RHBDD1: variants seen among roughly 807,000 people sequenced by gnomAD.
The protein encoded by RHBDD1 is rhomboid domain containing 1.
Under a neutral mutation model 36.3 loss-of-function variants are expected in RHBDD1, and 38 were observed. The observed-to-expected ratio is 1.05, with a 90% CI of 0.81 to 1.37. RHBDD1 has a LOEUF of 1.37. Ranked by LOEUF, RHBDD1 falls within the 40% of genes most tolerant of loss-of-function variation. RHBDD1 has a pLI of 0.00. For synonymous variants in RHBDD1, 151 were observed against 136.5 expected (o/e 1.11, Z -0.74); for missense variants, 393 against 377.6 (o/e 1.04, Z -0.34).
intron 8 of RHBDD1, among the ~76,000 whole-genome samples, chr2:226,949,319 C>T (rs528766802): frequency 2.6e-5 from 4 of 152,270 alleles, no homozygotes; most frequent in Admixed American, 6.5e-5. Context: ...CCAAGACAAT[C>T]CTAAGCAAAA....
intron 5 of RHBDD1, among the ~76,000 whole-genome samples, chr2:226,904,554 T>A (rs934757039): frequency 6.6e-6 from 1 of 152,198 alleles, no homozygotes; most frequent in Non-Finnish European, 1.5e-5. Flanking sequence ...GCCATGACTT[T>A]TAGCACGTGT....
rs561822979 is a variant in RHBDD1 at position 226,996,989 on chromosome 2, T to C, written c.*1467T>C. Reference sequence around the variant, plus strand: ...TTAACATTTTGGTGGTATTGTCTTATCAATTTTTCCGTTGATACATTCAGC... The same window carrying C: ...TTAACATTTTGGTGGTATTGTCTTACCAATTTTTCCGTTGATACATTCAGC... On this transcript the variant is annotated 3_prime_UTR_variant, in exon 9 of 9. Coordinates refer to ENST00000392062, the MANE Select transcript of RHBDD1 (RefSeq NM_001167608.3). 1 of 152,312 alleles carries C rather than the reference T, an allele frequency of 6.6e-6. No homozygotes were observed. Among genetic ancestry groups the C allele is most frequent in the East Asian group, 1.9e-4 (1 of 5,188 alleles). 9.4% of individuals were successfully genotyped at this position (152,312 alleles called of 1,614,324 possible).
At chr2:226,955,998 G>T (rs1951763871) in intron 8 of RHBDD1, among the ~76,000 whole-genome samples, 1 of 152,158 alleles carries the variant, frequency 6.6e-6, no homozygotes, top group African/African-American at 2.4e-5. Flanking sequence ...GCTTTACTTG[G>T]ATTCATATAT....
chr2:226,909,818 T>C (rs183745156), intron 7 of RHBDD1, among the ~76,000 whole-genome samples: 2 of 152,346 alleles, frequency 1.3e-5, no homozygotes. Context: ...AGCCAGTCTA[T>C]GGCTGTTTGT....
chr2:226,962,224 C>T (rs1474298441), intron 8 of RHBDD1, among the ~76,000 whole-genome samples: 2 of 152,190 alleles, frequency 1.3e-5, no homozygotes, highest in Non-Finnish European at 2.9e-5. Flanking sequence ...GAAAAAATAG[C>T]AAATTCATTA....
intron 6 of RHBDD1, chr2:226,908,422 G>C: frequency 5.5e-6 from 1 of 180,268 alleles, no homozygotes; most frequent in Admixed American, 5.5e-5. Flanking sequence ...CCCCTAGGAA[G>C]GGTAGGGAGG....
chr2:226,967,648 A>G (rs1031452114), intron 8 of RHBDD1, among the ~76,000 whole-genome samples: 5 of 151,426 alleles, frequency 3.3e-5, no homozygotes, highest in African/African-American at 7.3e-5. Flanking sequence ...TGTAGAAGTC[A>G]TTGTTGTAGT....
chr2:226,923,776 G>A (rs554222503), intron 8 of RHBDD1, among the ~76,000 whole-genome samples: 2 of 151,788 alleles, frequency 1.3e-5, no homozygotes, highest in Non-Finnish European at 2.9e-5. Flanking sequence ...CTTCTGCTTG[G>A]TCAATTGTGA....
intron 8 of RHBDD1, among the ~76,000 whole-genome samples, chr2:226,974,211 T>C (rs1304587833): frequency 7.0e-6 from 1 of 143,398 alleles, no homozygotes; most frequent in Non-Finnish European, 1.5e-5. Flanking sequence ...GAGTGTTGTA[T>C]GGGTGTTGCC....
intron 5 of RHBDD1, among the ~76,000 whole-genome samples, chr2:226,872,608 CA>C (rs1389118047): frequency 6.6e-6 from 1 of 152,108 alleles, no homozygotes; most frequent in East Asian, 1.9e-4. Flanking sequence ...GTGAAGTGAT[CA>C]ATATCAAATG....
intron 8 of RHBDD1, among the ~76,000 whole-genome samples, chr2:226,985,036 C>T (rs1956637119): frequency 6.6e-6 from 1 of 152,024 alleles, no homozygotes; most frequent in Non-Finnish European, 1.5e-5. Context: ...CCTGATTAGG[C>T]CTAACATAGA....
intron 8 of RHBDD1, among the ~76,000 whole-genome samples, chr2:226,922,575 A>G (rs1949402693): frequency 6.6e-6 from 1 of 152,038 alleles, no homozygotes; most frequent in African/African-American, 2.4e-5. Flanking sequence ...TGGACCTTAT[A>G]TTCATTCTAT....
the RHBDD1 span, among the ~76,000 whole-genome samples, chr2:226,825,836 TCTC>T: frequency 3.9e-5 from 6 of 152,212 alleles, no homozygotes; most frequent in South Asian, 4.1e-4. Context: ...TGACGCTCTG[TCTC>T]CTCATTTGTA....
upstream of RHBDD1, among the ~76,000 whole-genome samples, chr2:226,832,743 C>A (rs952452367): frequency 1.3e-5 from 2 of 152,138 alleles, no homozygotes; most frequent in African/African-American, 4.8e-5. Flanking sequence ...GTCAGCCAGA[C>A]GCGCTGGCCT....
the RHBDD1 span, among the ~76,000 whole-genome samples, chr2:226,827,944 T>TA: frequency 3.3e-5 from 5 of 152,332 alleles, no homozygotes; most frequent in South Asian, 8.3e-4. Context: ...TTATCTTCTT[T>TA]AAATAGCTTT....
In RHBDD1 at chr2:226,995,863, C is replaced by G. The variant is rs566066387; in HGVS notation, c.*341C>G. ...GACCTTCACCAGGAGGTTTTACTTA[C>G]ACCAGTCGGGAAGATTAGTCCCTCA... is the stretch of plus-strand genomic sequence containing the variant. On this transcript the variant is annotated 3_prime_UTR_variant, in exon 9 of 9. Coordinates refer to ENST00000392062, the MANE Select transcript of RHBDD1 (RefSeq NM_001167608.3). 3 of 251,976 alleles carry G rather than the reference C, an allele frequency of 1.2e-5. No homozygotes were observed. The highest frequency in any genetic ancestry group is 2.3e-5 in the Non-Finnish European group (3 of 133,132). The allele number at this position is 251,976 out of a possible 1,614,324, so 15.6% of individuals were successfully genotyped here.
At chr2:226,858,179 TC>T (rs1943515552) in intron 3 of RHBDD1, among the ~76,000 whole-genome samples, 1 of 152,146 alleles carries the variant, frequency 6.6e-6, no homozygotes, top group African/African-American at 2.4e-5. Context: ...ACCTAAATTT[TC>T]CCCTATTTCT....
At chr2:226,877,682 T>G (rs1028081233) in intron 5 of RHBDD1, among the ~76,000 whole-genome samples, 3 of 152,136 alleles carry the variant, frequency 2.0e-5, no homozygotes, top group African/African-American at 7.2e-5. Context: ...AGTGCTTTTC[T>G]TTTTCCACAA....
chr2:226,853,125 A>G (rs1942991698), intron 3 of RHBDD1, among the ~76,000 whole-genome samples: 1 of 152,100 alleles, frequency 6.6e-6, no homozygotes, highest in African/African-American at 2.4e-5. Context: ...TGCATATTAC[A>G]GATGGATGTT....
Sources: allele counts gnomAD v4.1 joint callset (sites outside exome capture counted in the v4.1 genomes callset), GRCh38; gene constraint gnomAD v4.1.1; transcripts MANE v1.5; gene names NCBI Gene and HGNC (gene_info 2026-07-23, HGNC 2026-07-21).